Variants in SNX6 observed in about 807,000 individuals in gnomAD.
SNX6 encodes the protein sorting nexin 6.
In SNX6, 34 loss-of-function variants were observed where a neutral mutation model predicts 63.0. The ratio of observed to expected loss-of-function variants is 0.54; its 90% CI spans 0.41 to 0.72. The LOEUF (loss-of-function observed/expected upper bound fraction) is 0.72, where lower values mean the gene tolerates loss of function less well. Among genes scored for constraint, SNX6 ranks in the 30% least tolerant of loss-of-function variants. SNX6 has a pLI of 0.00. For synonymous variants in SNX6, 170 were observed against 164.2 expected (o/e 1.04, Z -0.27); for missense variants, 398 against 471.4 (o/e 0.84, Z 1.44).
chr14:34,605,162 T>C (rs2138347126), intron 5 of SNX6, among the ~76,000 whole-genome samples: 1 of 152,190 alleles, frequency 6.6e-6, no homozygotes, highest in East Asian at 1.9e-4. Flanking sequence ...TTTTGAGAAG[T>C]ATGGCAATAT....
At chr14:34,608,755 C>A (rs958794261) in intron 3 of SNX6, among the ~76,000 whole-genome samples, 1 of 152,074 alleles carries the variant, frequency 6.6e-6, no homozygotes, top group African/African-American at 2.4e-5. Flanking sequence ...TGGCTGGGCA[C>A]GGTGGCTCAC....
At position 34,593,120 on chromosome 14, in the gene SNX6, T is replaced by C. The variant is rs1189900868; in HGVS notation, c.643A>G (p.Thr215Ala). The C allele has an allele frequency of 6.2e-7, 1 of 1,606,508 alleles. No individual in the cohort carries two copies. The highest frequency in any genetic ancestry group is 8.5e-7 in the Non-Finnish European group (1 of 1,177,750). Residue 215 changes from threonine to alanine, a missense_variant, in exon 8 of 14, where the codon ACA becomes GCA. Coordinates refer to ENST00000362031, the MANE Select transcript of SNX6 (RefSeq NM_152233.4). ...CGGTTATGATACTCCAAAAGAAATG[T>C]TCGTTCGTGCTCAAAGAAATCATCT... ...DVDDFFEHER[T>A]FLLEYHNRVK...
At chr14:34,602,985 A>C (rs996422782) in intron 6 of SNX6, among the ~76,000 whole-genome samples, 2 of 149,968 alleles carry the variant, frequency 1.3e-5, no homozygotes, top group African/African-American at 4.9e-5. Flanking sequence ...CAAAAAAAAA[A>C]AAAAAACTTG....
chr14:34,620,244 C>T (rs184659260), intron 2 of SNX6, among the ~76,000 whole-genome samples: 266 of 152,324 alleles, frequency 1.7e-3, no homozygotes, highest in Non-Finnish European at 2.4e-3. Flanking sequence ...AGTGAACTTG[C>T]CTCCTCCAGC....
intron 4 of SNX6, among the ~76,000 whole-genome samples, chr14:34,606,742 G>A (rs1012574860): frequency 1.3e-5 from 2 of 151,756 alleles, no homozygotes; most frequent in Non-Finnish European, 2.9e-5. Flanking sequence ...GTGGCCGGCC[G>A]AGACTTCCAA....
chr14:34,611,559 G>A (rs1265060204), intron 2 of SNX6, among the ~76,000 whole-genome samples: 8 of 151,102 alleles, frequency 5.3e-5, no homozygotes, highest in Admixed American at 4.6e-4. Context: ...CGAGGCAGGT[G>A]GATCATGAGG....
chr14:34,602,352 G>A (rs1271589881), intron 6 of SNX6, among the ~76,000 whole-genome samples: 2 of 151,882 alleles, frequency 1.3e-5, no homozygotes, highest in Non-Finnish European at 2.9e-5. Flanking sequence ...CTTGAACCAA[G>A]GAGGCAGAGG....
chr14:34,565,884 T>C lies in SNX6; in HGVS notation c.1167+1802A>G, dbSNP rs373232207. ...TTTTGTATTTTTAGTAGAGATGGGG[T>C]TCCACCGTGTTAGCCAGGATGGCCT... On this transcript the variant is annotated intron_variant, in intron 13 of 13. Transcript: ENST00000362031. Among the ~76,000 whole-genome samples the C allele has an allele frequency of 4.6e-5, 7 of 151,984 alleles. No homozygotes were observed. In the East Asian group the frequency reaches 9.8e-4, roughly 21 times the overall value.
chr14:34,620,706 T>A (rs1883588941), intron 2 of SNX6, among the ~76,000 whole-genome samples: 1 of 152,044 alleles, frequency 6.6e-6, no homozygotes, highest in Non-Finnish European at 1.5e-5. Context: ...TTTGGGAGGC[T>A]GAGGCAGGAG....
intron 10 of SNX6, among the ~76,000 whole-genome samples, chr14:34,577,036 C>A (rs896620101): frequency 1.3e-5 from 2 of 151,720 alleles, no homozygotes; most frequent in African/African-American, 2.4e-5. Context: ...GGTGACAGAG[C>A]GAGAGACTGT....
chr14:34,619,145 C>T (rs1232886668), intron 2 of SNX6, among the ~76,000 whole-genome samples: 1 of 152,132 alleles, frequency 6.6e-6, no homozygotes, highest in Non-Finnish European at 1.5e-5. Flanking sequence ...TTTGATTGGC[C>T]AGGCGCAGTG....
At chr14:34,576,119 G>T (rs1881689113) in intron 10 of SNX6, among the ~76,000 whole-genome samples, 1 of 151,506 alleles carries the variant, frequency 6.6e-6, no homozygotes, top group African/African-American at 2.4e-5. Context: ...TAGAGACGGG[G>T]TTTCACCATG....
intron 13 of SNX6, among the ~76,000 whole-genome samples, chr14:34,567,333 A>C (rs749139903): frequency 3.9e-5 from 6 of 152,028 alleles, no homozygotes; most frequent in Non-Finnish European, 8.8e-5. Context: ...CTAAAAATAC[A>C]AAAATTACCC....
intron 13 of SNX6, among the ~76,000 whole-genome samples, chr14:34,564,923 T>C (rs1347293177): frequency 6.6e-6 from 1 of 151,544 alleles, no homozygotes; most frequent in East Asian, 1.9e-4. Flanking sequence ...GGCTAAATAA[T>C]AAGTATTTTA....
intron 11 of SNX6, among the ~76,000 whole-genome samples, chr14:34,570,061 G>GTT (rs1247193180): frequency 2.0e-5 from 3 of 149,208 alleles, no homozygotes; most frequent in African/African-American, 5.0e-5. Flanking sequence ...GTTTTTTTGG[G>GTT]GTTTTTTTTT....
At chr14:34,601,286 C>T (rs997148500) in intron 6 of SNX6, among the ~76,000 whole-genome samples, 3 of 148,240 alleles carry the variant, frequency 2.0e-5, no homozygotes, top group Non-Finnish European at 2.9e-5. Context: ...AATGCAGTGG[C>T]GCAACCTTGG....
At chr14:34,608,454 T>G (rs531998252) in intron 3 of SNX6, among the ~76,000 whole-genome samples, 1 of 152,336 alleles carries the variant, frequency 6.6e-6, no homozygotes, top group South Asian at 2.1e-4. Flanking sequence ...TGAGCCACTG[T>G]GTCTGGCCTT....
At chr14:34,629,636 C>A in intron 2 of SNX6, 1 of 684,798 alleles carries the variant, frequency 1.5e-6, no homozygotes, top group Non-Finnish European at 2.7e-6. Context: ...CACCTGCACC[C>A]CGCCCCGCGT....
At chr14:34,622,053 G>A (rs1883642598) in intron 2 of SNX6, among the ~76,000 whole-genome samples, 1 of 146,788 alleles carries the variant, frequency 6.8e-6, no homozygotes, top group Admixed American at 7.0e-5. Flanking sequence ...CTGCCTCCTG[G>A]GTTCAAGCGA....
Sources: gnomAD v4.1 joint callset for allele counts (sites outside exome capture counted in the v4.1 genomes callset) on GRCh38, gnomAD v4.1.1 for gene constraint, MANE v1.5 for transcripts, NCBI Gene and HGNC (gene_info 2026-07-23, HGNC 2026-07-21) for gene names.